FABP6: variants seen among roughly 807,000 people sequenced by gnomAD.
FABP6 encodes the protein gastrotropin.
In FABP6, 13 loss-of-function variants were observed where a neutral mutation model predicts 14.9. The observed-to-expected ratio is 0.87, with a 90% CI of 0.57 to 1.39. The LOEUF is 1.39. Among genes scored for constraint, FABP6 ranks in the 40% most tolerant of loss-of-function variants. The pLI, the probability that FABP6 is intolerant of heterozygous loss-of-function variation, is 0.00. For missense variants in FABP6, 161 were observed against 167.2 expected, an observed-to-expected ratio of 0.96 and a Z score of 0.20; for synonymous variants, 75 against 63.6, an observed-to-expected ratio of 1.18 and a Z score of -0.85.
chr5:160,202,276 G>C (rs886091675), intron 2 of FABP6, among the ~76,000 whole-genome samples: 2 of 152,106 alleles, frequency 1.3e-5, no homozygotes, highest in African/African-American at 4.8e-5. Flanking sequence ...AGCCTGGAGG[G>C]CCAGAAAGGC....
At chr5:160,199,239 G>C in intron 2 of FABP6, 1 of 1,419,972 alleles carries the variant, frequency 7.0e-7, no homozygotes, top group Non-Finnish European at 9.9e-7. Flanking sequence ...CACCTTGGGT[G>C]GGGGACTTGC....
At chr5:160,232,805 G>A (rs1427168578) in intron 2 of FABP6, among the ~76,000 whole-genome samples, 2 of 151,886 alleles carry the variant, frequency 1.3e-5, no homozygotes, top group Admixed American at 6.6e-5. Context: ...GCTGAGGCAG[G>A]GGAATCGCTT....
chr5:160,212,641 T>C (rs929384310), intron 2 of FABP6, among the ~76,000 whole-genome samples: 2 of 152,020 alleles, frequency 1.3e-5, no homozygotes, highest in African/African-American at 4.8e-5. Flanking sequence ...GCTAATTTTT[T>C]TGTATTTTTA....
At chr5:160,219,223 C>T (rs2113117742) in intron 3 of FABP6, among the ~76,000 whole-genome samples, 1 of 152,216 alleles carries the variant, frequency 6.6e-6, no homozygotes, top group South Asian at 2.1e-4. Flanking sequence ...GCCCAGGGCT[C>T]CTCCTCACCC....
chr5:160,215,519 A>G (rs1036659996), intron 3 of FABP6, among the ~76,000 whole-genome samples: 1 of 90,308 alleles, frequency 1.1e-5, no homozygotes, highest in African/African-American at 3.8e-5. Flanking sequence ...GTCTCAGAGA[A>G]AAAAAAAAAA....
chr5:160,226,047 G>C (rs937918425), upstream of FABP6, among the ~76,000 whole-genome samples: 1 of 151,672 alleles, frequency 6.6e-6, no homozygotes, highest in African/African-American at 2.4e-5. Context: ...GGTGGTAGGC[G>C]CCTATAATCC....
chr5:160,212,817 A>C (rs1759920604), intron 2 of FABP6, among the ~76,000 whole-genome samples: 1 of 152,028 alleles, frequency 6.6e-6, no homozygotes, highest in Non-Finnish European at 1.5e-5. Flanking sequence ...GGGTTTCAGC[A>C]TGTTGGCCAG....
intron 2 of FABP6, among the ~76,000 whole-genome samples, chr5:160,210,003 C>T (rs772064098): frequency 6.6e-6 from 1 of 152,190 alleles, no homozygotes; most frequent in Non-Finnish European, 1.5e-5. Flanking sequence ...GTAGAATCCT[C>T]CTGGTGTCTT....
At chr5:160,204,138 CAAA>C (rs67908380) in intron 2 of FABP6, among the ~76,000 whole-genome samples, 38 of 119,220 alleles carry the variant, frequency 3.2e-4, no homozygotes, top group Admixed American at 3.8e-4. Flanking sequence ...GACTCCATCT[CAAA>C]AAAAAAAAAA....
At position 160,232,231 on chromosome 5, in the gene FABP6, C is replaced by A; in HGVS notation, c.201C>A (p.Gly67=). 6.2e-7 allele frequency: 1 copy of A among 1,612,266 alleles called. No homozygotes were observed. Among genetic ancestry groups the A allele is most frequent in the Non-Finnish European group, 8.5e-7 (1 of 1,179,188 alleles). ...CCATGACCAACAAGTTCACTGTTGG[C>A]AAGGAAAGCAACATACAGACAATGG... is the stretch of plus-strand genomic sequence containing the variant. ...GHTMTNKFTV[G]KESNIQTMGG... is the part of the protein sequence containing the mutation. The change falls in exon 2 of 4, where the codon GGC becomes GGA. Residue 67 remains glycine, a synonymous_variant. Transcript: ENST00000402432.
rs375689902 is a variant in FABP6 at position 160,236,817 on chromosome 5, CAA to C, written c.334-1775_334-1774del. On this transcript the variant is annotated intron_variant, in intron 3 of 3. Transcript: ENST00000402432. ...TGAAACCCGGTCTCTACTAAAAATACAAAAAAAAAAAAAAATTAGCCAGGTGT... is the reference window on the plus strand; with the variant it reads ...TGAAACCCGGTCTCTACTAAAAATACAAAAAAAAAAAAATTAGCCAGGTGT... 3.0e-3 allele frequency among the ~76,000 whole-genome samples: 403 copies of C among 133,202 alleles called. 3 individuals are homozygous for C. The highest frequency in any genetic ancestry group is 9.7e-3 in the African/African-American group (358 of 36,812). 87.4% of individuals were successfully genotyped at this position (133,202 alleles called of 152,430 possible).
intron 3 of FABP6, among the ~76,000 whole-genome samples, chr5:160,218,411 C>G (rs1760060848): frequency 6.6e-6 from 1 of 150,700 alleles, no homozygotes; most frequent in African/African-American, 2.4e-5. Flanking sequence ...TTTCGTGTCT[C>G]ATTGTGGATA....
At position 160,230,446 on chromosome 5, in the gene FABP6, C is replaced by T. The variant is rs145508446; in HGVS notation, c.67+822C>T. Among the ~76,000 whole-genome samples the T allele has an allele frequency of 4.4e-3, 672 of 152,246 alleles. 2 individuals are homozygous for T. Among genetic ancestry groups the T allele is most frequent in the Non-Finnish European group, 7.1e-3 (482 of 68,008 alleles). On this transcript the variant is annotated intron_variant, in intron 1 of 3. Transcript: ENST00000402432. Reference sequence around the variant, plus strand: ...CATGATCTCAGCTCACTGCAACCTCCGTCTCCTGGGTTCCAGCAATTCTCC... The same window carrying T: ...CATGATCTCAGCTCACTGCAACCTCTGTCTCCTGGGTTCCAGCAATTCTCC...
intron 3 of FABP6, among the ~76,000 whole-genome samples, chr5:160,222,112 T>TTG (rs1760141730): frequency 1.3e-5 from 2 of 148,404 alleles, no homozygotes; most frequent in East Asian, 4.2e-4. Context: ...TTTTTTTTTT[T>TTG]AGACAGGGTC....
intron 3 of FABP6, among the ~76,000 whole-genome samples, chr5:160,224,033 G>A (rs970149168): frequency 6.6e-6 from 1 of 151,838 alleles, no homozygotes; most frequent in Middle Eastern, 3.4e-3. Context: ...TCAGAAGATC[G>A]AGACCATCCT....
At chr5:160,191,680 G>A (rs1759396293) in intron 1 of FABP6, among the ~76,000 whole-genome samples, 1 of 151,224 alleles carries the variant, frequency 6.6e-6, no homozygotes, top group South Asian at 2.1e-4. Flanking sequence ...TCCTGGGCTC[G>A]GCCGGGCGCG....
intron 1 of FABP6, among the ~76,000 whole-genome samples, chr5:160,188,429 G>A (rs1236388884): frequency 1.3e-5 from 2 of 151,984 alleles, no homozygotes; most frequent in Non-Finnish European, 2.9e-5. Context: ...GCGGTGGGAG[G>A]TGGGGGACGG....
chr5:160,223,332 C>CCTTCCTTCCTTCCTTCCTT (rs1760168181), intron 3 of FABP6, among the ~76,000 whole-genome samples: 1 of 93,370 alleles, frequency 1.1e-5, no homozygotes, highest in African/African-American at 5.1e-5. Context: ...TTTTTGCCCG[C>CCTTCCTTCCTTCCTTCCTT]CCTTCCTTCC....
At chr5:160,191,055 C>T (rs1759383605) in intron 1 of FABP6, among the ~76,000 whole-genome samples, 1 of 148,576 alleles carries the variant, frequency 6.7e-6, no homozygotes, top group Admixed American at 6.8e-5. Context: ...TGCCACCGCA[C>T]TCCAGCCTAG....
Sources: allele counts gnomAD v4.1 joint callset (sites outside exome capture counted in the v4.1 genomes callset), GRCh38; gene constraint gnomAD v4.1.1; transcripts MANE v1.5; gene names NCBI Gene and HGNC (gene_info 2026-07-23, HGNC 2026-07-21).